PTPRD: variants seen among roughly 807,000 people sequenced by gnomAD.
PTPRD encodes protein tyrosine phosphatase receptor type D.
Under a neutral mutation model 214.5 loss-of-function variants are expected in PTPRD, and 34 were observed. That is an observed-to-expected ratio of 0.16 (90% CI 0.12 to 0.21). The LOEUF is 0.21. Ranked by LOEUF, PTPRD falls within the 10% of genes least tolerant of loss-of-function variation. PTPRD has a pLI of 1.00. For synonymous variants in PTPRD, 1,128 were observed against 845.7 expected (o/e 1.33, Z -5.79); for missense variants, 2,545 against 2,398.7 (o/e 1.06, Z -1.27).
At chr9:8,365,497 G>A (rs1170091150) in intron 39 of PTPRD, among the ~76,000 whole-genome samples, 1 of 152,068 alleles carries the variant, frequency 6.6e-6, no homozygotes, top group Non-Finnish European at 1.5e-5. Context: ...AGCTTAGGGG[G>A]CTTGGCTCCT....
intron 2 of PTPRD, among the ~76,000 whole-genome samples, chr9:10,367,646 C>T (rs762446093): frequency 1.3e-5 from 2 of 151,958 alleles, no homozygotes; most frequent in Non-Finnish European, 2.9e-5. Context: ...AATGAGAAGG[C>T]GGGGAGAAGA....
intron 2 of PTPRD, among the ~76,000 whole-genome samples, chr9:10,343,365 T>C (rs1001983776): frequency 6.6e-6 from 1 of 152,196 alleles, no homozygotes; most frequent in Non-Finnish European, 1.5e-5. Flanking sequence ...ATTTTCTTAA[T>C]CCAGTCTGTC....
intron 7 of PTPRD, among the ~76,000 whole-genome samples, chr9:9,583,560 C>T (rs938795580): frequency 6.6e-5 from 10 of 151,866 alleles, no homozygotes; most frequent in African/African-American, 2.2e-4. Context: ...CATAAAGTTG[C>T]CTTGTTATAG....
At chr9:9,813,584 T>C (rs2047837907) in intron 5 of PTPRD, among the ~76,000 whole-genome samples, 1 of 151,938 alleles carries the variant, frequency 6.6e-6, no homozygotes. Context: ...ATAGAAAATA[T>C]AAATAGACTA....
chr9:9,127,698 CG>C (rs1244041349), intron 10 of PTPRD, among the ~76,000 whole-genome samples: 1 of 151,888 alleles, frequency 6.6e-6, no homozygotes, highest in Admixed American at 6.6e-5. Flanking sequence ...GTGGTCAAGA[CG>C]GGAGGTGTAA....
chr9:8,929,866 CATGTGT>C (rs2098937402), intron 11 of PTPRD, among the ~76,000 whole-genome samples: 1 of 38,212 alleles, frequency 2.6e-5, no homozygotes, highest in Non-Finnish European at 5.2e-5. Flanking sequence ...TGTGTATATA[CATGTGT>C]GTGTATATAT....
At chr9:10,427,295 C>A (rs531685869) in intron 2 of PTPRD, among the ~76,000 whole-genome samples, 12 of 152,000 alleles carry the variant, frequency 7.9e-5, no homozygotes, top group African/African-American at 2.4e-4. Flanking sequence ...ACAGTGTAAG[C>A]ACACCACTAT....
intron 10 of PTPRD, among the ~76,000 whole-genome samples, chr9:9,172,220 T>C (rs1381516203): frequency 6.6e-6 from 1 of 152,106 alleles, no homozygotes; most frequent in Non-Finnish European, 1.5e-5. Flanking sequence ...TAACACAAAA[T>C]GAGTGCTGCA....
chr9:9,222,260 C>T (rs189866421), intron 9 of PTPRD, among the ~76,000 whole-genome samples: 1 of 152,074 alleles, frequency 6.6e-6, no homozygotes, highest in Admixed American at 6.6e-5. Context: ...AAACAACTTC[C>T]AGGCCTTAAC....
intron 9 of PTPRD, among the ~76,000 whole-genome samples, chr9:9,349,661 A>G (rs1291415338): frequency 2.0e-5 from 3 of 150,398 alleles, no homozygotes; most frequent in East Asian, 3.9e-4. Context: ...ACTTTCCTTA[A>G]TTTTCTCACA....
At position 8,486,207 on chromosome 9, in the gene PTPRD, A is replaced by G. The variant is rs2135962916; in HGVS notation, c.2610T>C (p.Thr870=). The G allele has an allele frequency of 6.2e-7, 1 of 1,614,182 alleles. No homozygotes were observed. The highest frequency in any genetic ancestry group is 2.2e-5 in the East Asian group (1 of 44,874). ...FGRKDMEPLT[T]LEFSEKEDHF... Reference sequence around the variant, plus strand: ...GATCTTCTTTTTCAGAGAACTCAAGAGTAGTAAGTGGCTCCATATCCTTGC... The same window carrying G: ...GATCTTCTTTTTCAGAGAACTCAAGGGTAGTAAGTGGCTCCATATCCTTGC... Residue 870 remains threonine, a synonymous_variant, in exon 28 of 46, where the codon ACT becomes ACC. Transcript: ENST00000381196.
intron 27 of PTPRD, among the ~76,000 whole-genome samples, chr9:8,490,700 C>G (rs1455139149): frequency 6.6e-6 from 1 of 152,054 alleles, no homozygotes; most frequent in Admixed American, 6.6e-5. Context: ...AACATAAGAG[C>G]CAACATTTTC....
chr9:9,288,029 C>T (rs1950053706), intron 9 of PTPRD, among the ~76,000 whole-genome samples: 1 of 151,674 alleles, frequency 6.6e-6, no homozygotes, highest in Non-Finnish European at 1.5e-5. Flanking sequence ...TGGTTAAATG[C>T]AGCACAAGAT....
At chr9:9,024,839 G>C (rs1294701132) in intron 10 of PTPRD, among the ~76,000 whole-genome samples, 2 of 151,718 alleles carry the variant, frequency 1.3e-5, no homozygotes, top group Non-Finnish European at 2.9e-5. Context: ...TGATTTAAAA[G>C]ACCAATAATG....
At chr9:8,465,732 G>C in intron 31 of PTPRD, 57 bp from the exon 32 acceptor site, 1 of 1,450,192 alleles carries the variant, frequency 6.9e-7, no homozygotes, top group Non-Finnish European at 9.4e-7. Context: ...CCAGCTTATT[G>C]ATAATTTAAT....
At chr9:9,699,258 G>T (rs2097443543) in intron 7 of PTPRD, among the ~76,000 whole-genome samples, 2 of 151,656 alleles carry the variant, frequency 1.3e-5, no homozygotes, top group South Asian at 4.2e-4. Context: ...AGTTATGTGA[G>T]ACCTAGGTGT....
At chr9:9,197,245 C>A (rs1236057829) in intron 9 of PTPRD, among the ~76,000 whole-genome samples, 1 of 152,084 alleles carries the variant, frequency 6.6e-6, no homozygotes, top group African/African-American at 2.4e-5. Context: ...AGCCCAAATC[C>A]TATAATATTA....
intron 4 of PTPRD, among the ~76,000 whole-genome samples, chr9:10,027,180 T>C (rs1174234926): frequency 2.0e-5 from 3 of 152,178 alleles, no homozygotes; most frequent in Admixed American, 1.3e-4. Context: ...GAAAGTGAAA[T>C]ACAATGTGAA....
At chr9:10,517,811 A>G (rs952542570) in intron 2 of PTPRD, among the ~76,000 whole-genome samples, 4 of 152,146 alleles carry the variant, frequency 2.6e-5, no homozygotes, top group Admixed American at 6.6e-5. Flanking sequence ...CTCCATTGAC[A>G]TAATATTCAT....
Sources: gnomAD v4.1 joint callset for allele counts (sites outside exome capture counted in the v4.1 genomes callset) on GRCh38, gnomAD v4.1.1 for gene constraint, MANE v1.5 for transcripts, NCBI Gene and HGNC (gene_info 2026-07-23, HGNC 2026-07-21) for gene names.